CAPZB: variants seen among roughly 807,000 people sequenced by gnomAD.
CAPZB encodes capping actin protein of muscle Z-line subunit beta.
CAPZB carries 2 observed loss-of-function variants against 38.1 expected under a neutral mutation model. The observed-to-expected ratio is 0.05, with a 90% CI of 0.02 to 0.17. The LOEUF (loss-of-function observed/expected upper bound fraction) is 0.17, where lower values mean the gene tolerates loss of function less well. Ranked by LOEUF, CAPZB falls within the 10% of genes least tolerant of loss-of-function variation. The pLI, the probability that CAPZB is intolerant of heterozygous loss-of-function variation, is 1.00. For missense variants in CAPZB, 161 were observed against 334.2 expected, an observed-to-expected ratio of 0.48 and a Z score of 4.04; for synonymous variants, 107 against 127.4, an observed-to-expected ratio of 0.84 and a Z score of 1.08.
intron 1 of CAPZB, among the ~76,000 whole-genome samples, chr1:19,429,609 C>G (rs189374136): frequency 1.2e-4 from 18 of 152,200 alleles, no homozygotes; most frequent in African/African-American, 4.1e-4. Flanking sequence ...GCCCACAGAG[C>G]ATCCTCCATA....
chr1:19,414,429 C>T (rs2094370607), intron 2 of CAPZB, among the ~76,000 whole-genome samples: 1 of 152,288 alleles, frequency 6.6e-6, no homozygotes, highest in South Asian at 2.1e-4. Context: ...ACCTCACTGG[C>T]CTGGATACTT....
chr1:19,463,174 T>C (rs936484031), intron 1 of CAPZB, among the ~76,000 whole-genome samples: 8 of 152,176 alleles, frequency 5.3e-5, no homozygotes, highest in Non-Finnish European at 7.3e-5. Context: ...CCTCAGAAAG[T>C]TCAAATAGAG....
chr1:19,409,730 C>T (rs1420377342), intron 2 of CAPZB, among the ~76,000 whole-genome samples: 2 of 152,166 alleles, frequency 1.3e-5, no homozygotes, highest in Non-Finnish European at 1.5e-5. Context: ...AAGAGAGAAG[C>T]GTTTTGCCAA....
At chr1:19,339,723 C>A in intron 8 of CAPZB, 106 bp from the exon 9 acceptor site, 1 of 867,944 alleles carries the variant, frequency 1.2e-6, no homozygotes, top group Non-Finnish European at 2.0e-6. Context: ...TGCATGGACC[C>A]GCTTCCTGGG....
Position 19,357,147 on chromosome 1 carries a change from G to C in CAPZB, c.471+275C>G, listed in dbSNP as rs1198715472. On this transcript the variant is annotated intron_variant, in intron 5 of 8. Coordinates refer to ENST00000264202, the MANE Select transcript of CAPZB (RefSeq NM_004930.5). This position sits in a 1 kb window ranked among gnomAD's most constrained non-coding sequence, Gnocchi z 4.3. ...CCCAAACTGCTGGGATTACAGGCCC[G>C]AGCCACCGTACCTGGCCTCACAATA... Among the ~76,000 whole-genome samples the C allele has an allele frequency of 2.6e-5, 4 of 152,122 alleles. No individual in the cohort carries two copies. Among genetic ancestry groups the C allele is most frequent in the Admixed American group, 6.5e-5 (1 of 15,276 alleles).
chr1:19,344,668 T>C (rs1053319626), intron 7 of CAPZB, among the ~76,000 whole-genome samples: 1 of 152,232 alleles, frequency 6.6e-6, no homozygotes, highest in Non-Finnish European at 1.5e-5. Flanking sequence ...ACCCAGGGAT[T>C]GGCGGCCAGC....
chr1:19,447,297 GAGA>G (rs1570296707), intron 1 of CAPZB, among the ~76,000 whole-genome samples: 1 of 9,502 alleles, frequency 1.1e-4, no homozygotes, highest in East Asian at 2.9e-3. Context: ...TTTTTTTTTT[GAGA>G]TGGAGTCTCA....
Position 19,452,142 on chromosome 1 carries a change from CCTCCATCCCT to C in CAPZB, c.4-32402_4-32393del, listed in dbSNP as rs1221698042. On this transcript the variant is annotated intron_variant, in intron 1 of 8. Coordinates refer to ENST00000264202, the MANE Select transcript of CAPZB (RefSeq NM_004930.5). ...CCTGCAGTCCTCTTACCTGATCATC[CCTCCATCCCT>C]CTCCATCCCATGTCCCAGCCTGCTC... Among the ~76,000 whole-genome samples the C allele has an allele frequency of 2.6e-5, 4 of 152,048 alleles. No homozygotes were observed. The South Asian group carries it at 6.3e-4, about 24-fold the overall frequency.
chr1:19,404,627 C>T (rs2094321800), intron 2 of CAPZB, among the ~76,000 whole-genome samples: 1 of 151,990 alleles, frequency 6.6e-6, no homozygotes, highest in Admixed American at 6.6e-5. Context: ...CAGTCCCTCT[C>T]CCACCTGGAA....
At position 19,413,141 on chromosome 1, in the gene CAPZB, T is replaced by TGAC. The variant is rs768833022; in HGVS notation, c.93+6519_93+6520insGTC. On this transcript the variant is annotated intron_variant, in intron 2 of 8. Coordinates refer to ENST00000264202, the MANE Select transcript of CAPZB (RefSeq NM_004930.5). The stretch of plus-strand genomic sequence containing the variant: ...GTCAATGACCAATGGCCTGAGAGAA[T>TGAC]CCAACTAGGGTCATTCTTTTCGGGG... Among the ~76,000 whole-genome samples the TGAC allele has an allele frequency of 3.6e-4, 55 of 152,320 alleles. 1 individual carries two copies. Among genetic ancestry groups the TGAC allele is most frequent in the East Asian group, 2.1e-3 (11 of 5,188 alleles).
chr1:19,428,960 G>A lies in CAPZB; in HGVS notation c.4-9210C>T, dbSNP rs150173145. On this transcript the variant is annotated intron_variant, in intron 1 of 8. Transcript: ENST00000264202. ...TTATTTTCGAGGACTGGTCCTCCCA[G>A]TGATTTGTCCAGGTCATCAAGGTAT... Among the ~76,000 whole-genome samples the A allele has an allele frequency of 6.2e-3, 949 of 152,266 alleles. 7 individuals are homozygous for A. The highest frequency in any genetic ancestry group is 0.021 in the African/African-American group (854 of 41,532).
At chr1:19,427,006 G>A in intron 1 of CAPZB, among the ~76,000 whole-genome samples, 1 of 152,144 alleles carries the variant, frequency 6.6e-6, no homozygotes, top group East Asian at 1.9e-4. Context: ...AAGACTTTAA[G>A]GTCACAACAG....
At chr1:19,361,500 C>A (rs749725110) in intron 4 of CAPZB, among the ~76,000 whole-genome samples, 2 of 152,260 alleles carry the variant, frequency 1.3e-5, no homozygotes, top group African/African-American at 4.8e-5. Flanking sequence ...CCTGCGAGTG[C>A]CATCAGGGCG....
At chr1:19,384,873 G>T (rs1286050624) in intron 3 of CAPZB, among the ~76,000 whole-genome samples, 1 of 152,116 alleles carries the variant, frequency 6.6e-6, no homozygotes, top group Admixed American at 6.5e-5. Flanking sequence ...GTTGACCATG[G>T]CCTCTTCTGT....
At chr1:19,387,208 A>G (rs1047038006) in intron 2 of CAPZB, among the ~76,000 whole-genome samples, 15 of 152,214 alleles carry the variant, frequency 9.9e-5, no homozygotes, top group African/African-American at 2.9e-4. Context: ...AGAAGCAAGC[A>G]GTGGAGACAG....
At chr1:19,429,860 C>G (rs1166557360) in intron 1 of CAPZB, among the ~76,000 whole-genome samples, 2 of 152,104 alleles carry the variant, frequency 1.3e-5, no homozygotes, top group Non-Finnish European at 2.9e-5. Flanking sequence ...CACAACCGCC[C>G]CTGCCCTGAG....
chr1:19,480,168 C>A (rs77902454), intron 1 of CAPZB, among the ~76,000 whole-genome samples: 1 of 152,074 alleles, frequency 6.6e-6, no homozygotes, highest in Admixed American at 6.6e-5. Context: ...GCTTTTTGGA[C>A]GCATCTTGCC....
intron 1 of CAPZB, chr1:19,449,028 G>A (rs1457763599): frequency 6.6e-6 from 10 of 1,514,748 alleles, no homozygotes; most frequent in South Asian, 2.5e-5. Flanking sequence ...CTCGCTGCCC[G>A]CTCCTGACTT....
intron 1 of CAPZB, among the ~76,000 whole-genome samples, chr1:19,456,091 T>G (rs978278395): frequency 4.6e-5 from 7 of 152,166 alleles, no homozygotes; most frequent in African/African-American, 1.7e-4. Context: ...TTTGCATTTT[T>G]GGTAGAGATG....
Sources: allele counts gnomAD v4.1 joint callset (sites outside exome capture counted in the v4.1 genomes callset), GRCh38; gene constraint gnomAD v4.1.1; non-coding constraint Gnocchi (gnomAD v3.1); transcripts MANE v1.5; gene names NCBI Gene and HGNC (gene_info 2026-07-23, HGNC 2026-07-21).